The following PMM1 variants were observed in gnomAD, a reference collection of about 807,000 sequenced individuals.
The protein encoded by PMM1 is phosphomannomutase 1.
Under a neutral mutation model 34.0 loss-of-function variants are expected in PMM1, and 25 were observed. That is an observed-to-expected ratio of 0.73 (90% CI 0.54 to 1.03). PMM1 has a LOEUF of 1.03. Ranked by LOEUF, PMM1 falls within the 50% of genes least tolerant of loss-of-function variation. The pLI is 0.00. For synonymous variants in PMM1, 134 were observed against 143.9 expected, an observed-to-expected ratio of 0.93 and a Z score of 0.49; for missense variants, 321 against 350.1, an observed-to-expected ratio of 0.92 and a Z score of 0.66.
intron 1 of PMM1, chr22:41,588,646 G>A: frequency 1.5e-5 from 15 of 985,406 alleles, no homozygotes; most frequent in Non-Finnish European, 1.8e-5. Flanking sequence ...TGACCCACAA[G>A]CAAATGGCCC....
chr22:41,584,421 T>C (rs955228706), intron 3 of PMM1, 49 bp from the exon 4 acceptor site: 2 of 1,574,154 alleles, frequency 1.3e-6, no homozygotes, highest in Non-Finnish European at 8.7e-7. Context: ...TGCCTGACCC[T>C]GAGACAGGCA....
At chr22:41,577,549 C>G in intron 7 of PMM1, 109 bp from the exon 8 acceptor site, 2 of 1,246,042 alleles carry the variant, frequency 1.6e-6, no homozygotes, top group Non-Finnish European at 2.3e-6. Flanking sequence ...CCAGGAAGCC[C>G]ACCTTCTCAC....
chr22:41,586,037 C>A (rs1555898723), intron 2 of PMM1, 39 bp downstream of exon 2: 5 of 1,482,732 alleles, frequency 3.4e-6, no homozygotes, highest in Non-Finnish European at 4.6e-6. Flanking sequence ...AGGAATCTCT[C>A]AAACTCCCCA....
chr22:41,582,475 C>T (rs1246607859), intron 5 of PMM1, among the ~76,000 whole-genome samples: 1 of 152,122 alleles, frequency 6.6e-6, no homozygotes, highest in Non-Finnish European at 1.5e-5. Context: ...AAAACAATAA[C>T]AACAAAAAGT....
At chr22:41,577,981 G>C in intron 6 of PMM1, 58 bp from the exon 7 acceptor site, 1 of 1,284,624 alleles carries the variant, frequency 7.8e-7, no homozygotes, top group Non-Finnish European at 1.1e-6. Context: ...AAGGCTAACA[G>C]AAGGGCTGCT....
intron 1 of PMM1, chr22:41,588,916 G>C: frequency 8.5e-7 from 1 of 1,170,704 alleles, no homozygotes; most frequent in Non-Finnish European, 1.1e-6. Context: ...CATGAATGAA[G>C]CCTGCTTACT....
At chr22:41,578,684 G>T (rs2067205478) in intron 6 of PMM1, 122 bp downstream of exon 6, 2 of 753,856 alleles carry the variant, frequency 2.7e-6, no homozygotes, top group Admixed American at 2.2e-5. Flanking sequence ...CACCCTCTCT[G>T]CCCTGAGCCG....
At position 41,578,860 on chromosome 22, in the gene PMM1, A is replaced by G. The variant is rs1569052918; in HGVS notation, c.496T>C (p.Phe166Leu). Residue 166 changes from phenylalanine to leucine, a missense_variant, in exon 6 of 8, where the codon TTC (phenylalanine) becomes CTC (leucine). Transcript: ENST00000216259. The stretch of plus-strand genomic sequence containing the variant: ...AACTCTGTTTTCAGGGCTTCCACGA[A>G]CTTCTCCCGGATCTTCTCTTTCTGC... ...LDKKEKIREKFVEALKTEFAG... is the reference protein window; with the variant it reads ...LDKKEKIREKLVEALKTEFAG... The G allele has an allele frequency of 1.2e-6, 2 of 1,613,756 alleles. No homozygotes were observed. Among genetic ancestry groups the G allele is most frequent in the Non-Finnish European group, 1.7e-6 (2 of 1,179,928 alleles).
chr22:41,579,882 C>A (rs118044086), intron 5 of PMM1: 1,849 of 152,522 alleles, frequency 0.012, 15 homozygotes, highest in South Asian at 0.027. Context: ...GAGCCTATTT[C>A]CTGGACTAAA....
chr22:41,586,286 C>G, intron 1 of PMM1, 93 bp from the exon 2 acceptor site: 1 of 1,574,648 alleles, frequency 6.4e-7, no homozygotes, highest in Non-Finnish European at 8.5e-7. Flanking sequence ...CCCAGGAAGC[C>G]CACATTCTAC....
At chr22:41,585,439 T>C (rs980675175) in intron 2 of PMM1, 12 of 152,194 alleles carry the variant, frequency 7.9e-5, no homozygotes, top group Non-Finnish European at 1.8e-4. Flanking sequence ...TTTTGACAAA[T>C]GGTAGCCATC....
chr22:41,580,577 A>C (rs2067234416), intron 5 of PMM1: 1 of 152,232 alleles, frequency 6.6e-6, no homozygotes, highest in African/African-American at 2.4e-5. Flanking sequence ...TACAAGGCAA[A>C]TGGGTAGAGC....
At chr22:41,581,445 C>T in intron 5 of PMM1, among the ~76,000 whole-genome samples, 1 of 152,190 alleles carries the variant, frequency 6.6e-6, no homozygotes, top group East Asian at 1.9e-4. Flanking sequence ...GGGCCAATGG[C>T]AAAATCAAAT....
chr22:41,584,325 G>A lies in PMM1; in HGVS notation c.330C>T (p.Asn110=), dbSNP rs1441538557. The stretch of plus-strand genomic sequence containing the variant: ...GCAGGGCCATGTAGCTGAGGCAGAA[G>A]TTGATCAAGTCCTGCAGCAGCTCCT... ...LGEELLQDLI[N]FCLSYMALLR... The change falls in exon 4 of 8, where the codon AAC becomes AAT. Residue 110 remains asparagine (N), a synonymous_variant. Transcript: ENST00000216259. 2 of 1,614,162 alleles carry A rather than the reference G, an allele frequency of 1.2e-6. No homozygotes were observed. Among genetic ancestry groups the A allele is most frequent in the Non-Finnish European group, 1.7e-6 (2 of 1,180,010 alleles).
intron 6 of PMM1, among the ~76,000 whole-genome samples, chr22:41,578,372 C>A (rs1360994168): frequency 6.6e-6 from 1 of 152,136 alleles, no homozygotes; most frequent in Non-Finnish European, 1.5e-5. Context: ...CCAGCTCCAG[C>A]CTCTCTGGCC....
chr22:41,588,939 T>C, intron 1 of PMM1: 1 of 1,148,082 alleles, frequency 8.7e-7, no homozygotes, highest in Non-Finnish European at 1.1e-6. Flanking sequence ...TGCATCCAGC[T>C]GGTGAGGGGG....
chr22:41,577,632 C>T (rs1472662418), intron 7 of PMM1, 176 bp downstream of exon 7: 3 of 782,648 alleles, frequency 3.8e-6, no homozygotes, highest in Admixed American at 4.7e-5. Context: ...CCCAGCTTTC[C>T]AATCTGTGTA....
At chr22:41,581,138 C>T (rs113582809) in intron 5 of PMM1, among the ~76,000 whole-genome samples, 2,503 of 145,892 alleles carry the variant, frequency 0.017, 75 homozygotes, top group African/African-American at 0.059. Context: ...AAAAAAAACC[C>T]AAAACCAAAC....
intron 6 of PMM1, among the ~76,000 whole-genome samples, chr22:41,578,389 G>T (rs1423037899): frequency 6.6e-6 from 1 of 152,192 alleles, no homozygotes; most frequent in African/African-American, 2.4e-5. Flanking sequence ...GGCCACTGGG[G>T]AATGGGTGAG....
Sources: gnomAD v4.1 joint callset for allele counts (sites outside exome capture counted in the v4.1 genomes callset) on GRCh38, gnomAD v4.1.1 for gene constraint, MANE v1.5 for transcripts, NCBI Gene and HGNC (gene_info 2026-07-23, HGNC 2026-07-21) for gene names.